AXIN1: variants seen among roughly 807,000 people sequenced by gnomAD.
The protein encoded by AXIN1 is axin-1.
A neutral mutation model predicts 76.4 loss-of-function variants in AXIN1; 30 were observed. That is an observed-to-expected ratio of 0.39 (90% CI 0.29 to 0.53). The LOEUF (loss-of-function observed/expected upper bound fraction) is 0.53. Among genes scored for constraint, AXIN1 ranks in the 20% least tolerant of loss-of-function variants. The probability of loss-of-function intolerance (pLI) is 0.66; values close to 1 mark genes in which losing one functional copy is unlikely to be tolerated. For missense variants in AXIN1, 1,140 were observed against 1,198.8 expected, an observed-to-expected ratio of 0.95 and a Z score of 0.72; for synonymous variants, 545 against 501.4, an observed-to-expected ratio of 1.09 and a Z score of -1.16.
chr16:304,287 C>A lies in AXIN1; in HGVS notation c.1254+17G>T, dbSNP rs62032881. 6.2e-7 allele frequency: 1 copy of A among 1,609,724 alleles called. No individual in the cohort carries two copies. Among genetic ancestry groups the A allele is most frequent in the South Asian group, 1.1e-5 (1 of 90,976 alleles). On this transcript the variant is annotated intron_variant, in intron 5 of 10. Coordinates refer to ENST00000262320, the MANE Select transcript of AXIN1 (RefSeq NM_003502.4). ...ACGACACCGACGCGGAGCGCGACACCGACGCGGCCCACTCACCATGCGCAC... is the reference window on the plus strand; with the variant it reads ...ACGACACCGACGCGGAGCGCGACACAGACGCGGCCCACTCACCATGCGCAC...
chr16:325,408 C>T lies in AXIN1; in HGVS notation c.879-10725G>A, dbSNP rs565694484. Among the ~76,000 whole-genome samples, 4 of 152,330 alleles carry T rather than the reference C, an allele frequency of 2.6e-5. No individual in the cohort carries two copies. The East Asian group carries it at 5.8e-4, about 22-fold the overall frequency. The stretch of plus-strand genomic sequence containing the variant: ...TATCAGCGACTCATCCCTTTTATGC[C>T]GTGGCATGCCAGGATGCACCACGGT... On this transcript the variant is annotated intron_variant, in intron 2 of 10. Transcript: ENST00000262320.
At chr16:339,988 C>A (rs1474917137) in intron 2 of AXIN1, among the ~76,000 whole-genome samples, 1 of 152,230 alleles carries the variant, frequency 6.6e-6, no homozygotes, top group Admixed American at 6.5e-5. Flanking sequence ...CCCAAAACCA[C>A]TCCTCCACAG....
chr16:317,262 C>T (rs913348775), intron 2 of AXIN1, among the ~76,000 whole-genome samples: 10 of 152,198 alleles, frequency 6.6e-5, no homozygotes, highest in Non-Finnish European at 1.3e-4. Flanking sequence ...CAGCCTGTGG[C>T]GGTGCTGGGC....
chr16:308,366 C>T (rs2053083744), intron 4 of AXIN1, among the ~76,000 whole-genome samples: 3 of 152,250 alleles, frequency 2.0e-5, no homozygotes, highest in Admixed American at 6.5e-5. Flanking sequence ...CTTCCTGACC[C>T]TTCTGAGGGG....
intron 10 of AXIN1, among the ~76,000 whole-genome samples, chr16:288,941 G>A (rs892030672): frequency 1.3e-5 from 2 of 152,250 alleles, no homozygotes; most frequent in Non-Finnish European, 2.9e-5. Flanking sequence ...CGAAGATGAG[G>A]GCCCTGGACG....
At position 321,286 on chromosome 16, in the gene AXIN1, G is replaced by A. The variant is rs1048767169; in HGVS notation, c.879-6603C>T. On this transcript the variant is annotated intron_variant, in intron 2 of 10. Coordinates refer to ENST00000262320, the MANE Select transcript of AXIN1 (RefSeq NM_003502.4). ...ACATTTCCATACCCAGGCAGGAGCCGCCACCCTCCCTGGTAGTAAGGCACC... is the reference window on the plus strand; with the variant it reads ...ACATTTCCATACCCAGGCAGGAGCCACCACCCTCCCTGGTAGTAAGGCACC... 5.3e-5 allele frequency among the ~76,000 whole-genome samples: 8 copies of A among 151,058 alleles called. No homozygotes were observed. The South Asian group carries it at 6.3e-4, about 12-fold the overall frequency.
rs865890590 is a variant in AXIN1 at position 352,266 on chromosome 16, C to T, written c.-82+103G>A. ...CCCCAGCTCCCCGCGCGCCCACCCC[C>T]TCGGTCCCACGCGCGTCAGCCACCC... On this transcript the variant is annotated intron_variant, in intron 1 of 10. Coordinates refer to ENST00000262320, the MANE Select transcript of AXIN1 (RefSeq NM_003502.4). The T allele has an allele frequency of 9.0e-3, 6,647 of 737,524 alleles. 40 individuals carry two copies. The highest frequency in any genetic ancestry group is 0.01 in the Non-Finnish European group (6,218 of 603,692). 45.7% of individuals were successfully genotyped at this position (737,524 alleles called of 1,614,324 possible).
At chr16:318,380 G>A (rs548660420) in intron 2 of AXIN1, among the ~76,000 whole-genome samples, 2 of 152,316 alleles carry the variant, frequency 1.3e-5, no homozygotes, top group East Asian at 1.9e-4. Context: ...GGAGAGAAGC[G>A]GGAGAAGGCG....
chr16:352,313 TCCCG>T, intron 1 of AXIN1, 52 bp downstream of exon 1: 1 of 947,756 alleles, frequency 1.1e-6, no homozygotes, highest in Non-Finnish European at 1.3e-6. Context: ...CGCTTCCGGG[TCCCG>T]CCCGCCCGGC....
intron 1 of AXIN1, 123 bp downstream of exon 1, chr16:352,246 G>C: frequency 1.8e-6 from 1 of 567,510 alleles, no homozygotes; most frequent in South Asian, 7.5e-5. Context: ...CCCGGCCCCA[G>C]CTCCCCGCGC....
chr16:350,500 A>G (rs1390625441), intron 1 of AXIN1, among the ~76,000 whole-genome samples: 1 of 151,894 alleles, frequency 6.6e-6, no homozygotes, highest in Non-Finnish European at 1.5e-5. Context: ...TCCAGGCATC[A>G]TGGCAGCAAA....
chr16:342,767 G>GCC (rs2053955875), intron 2 of AXIN1, among the ~76,000 whole-genome samples: 1 of 152,228 alleles, frequency 6.6e-6, no homozygotes. Flanking sequence ...CAAGGTCACT[G>GCC]CAGCAGCCAC....
chr16:324,444 G>A (rs1008768574), intron 2 of AXIN1, among the ~76,000 whole-genome samples: 22 of 152,152 alleles, frequency 1.4e-4, no homozygotes, highest in African/African-American at 5.1e-4. Flanking sequence ...CGGTCCTCCG[G>A]GGAGGTTTGC....
chr16:291,056 C>T (rs1329228615), intron 9 of AXIN1, 134 bp downstream of exon 9: 2 of 821,768 alleles, frequency 2.4e-6, no homozygotes, highest in South Asian at 2.9e-5. Context: ...GCCACGGGAC[C>T]CTCTCCTGCC....
At chr16:336,830 A>AC (rs2053814637) in intron 2 of AXIN1, among the ~76,000 whole-genome samples, 1 of 150,242 alleles carries the variant, frequency 6.7e-6, no homozygotes, top group African/African-American at 2.5e-5. Flanking sequence ...AAAAAAAAAA[A>AC]AAAACAAAAC....
At chr16:298,806 T>C (rs2141519794) in intron 5 of AXIN1, among the ~76,000 whole-genome samples, 1 of 152,196 alleles carries the variant, frequency 6.6e-6, no homozygotes, top group South Asian at 2.1e-4. Context: ...TCTTGCTCTG[T>C]TACCCAGGCT....
intron 9 of AXIN1, 140 bp downstream of exon 9, chr16:291,050 C>G: frequency 1.3e-6 from 1 of 790,146 alleles, no homozygotes; most frequent in African/African-American, 1.7e-5. Flanking sequence ...TCTGATGCCA[C>G]GGGACCCTCT....
In AXIN1 at chr16:298,048, C is replaced by A. The variant is rs778746941; in HGVS notation, c.1458G>T (p.Ser486=). The change falls in exon 6 of 11, where the codon TCG becomes TCT. Residue 486 remains serine, a synonymous_variant. Transcript: ENST00000262320. ...CCGGGGAGCGATGGCCAGGCCCAGG[C>A]GACTGGCGGCCAGGTGTCCTCAGCA... ...QRVLRTPGRQ[S]PGPGHRSPDS... is the part of the protein sequence containing the mutation. 3 of 1,580,430 alleles carry A rather than the reference C, an allele frequency of 1.9e-6. No individual in the cohort carries two copies. The highest frequency in any genetic ancestry group is 2.6e-6 in the Non-Finnish European group (3 of 1,168,922).
At chr16:348,610 G>A (rs1567309733) in intron 1 of AXIN1, among the ~76,000 whole-genome samples, 2 of 151,948 alleles carry the variant, frequency 1.3e-5, no homozygotes, top group South Asian at 2.1e-4. Flanking sequence ...GACTAACCTG[G>A]GCAACATAGT....
Sources: gnomAD v4.1 joint callset for allele counts (sites outside exome capture counted in the v4.1 genomes callset) on GRCh38, gnomAD v4.1.1 for gene constraint, MANE v1.5 for transcripts, NCBI Gene and HGNC (gene_info 2026-07-23, HGNC 2026-07-21) for gene names.